Variants in SNW1 observed in about 807,000 individuals in gnomAD.
SNW1 encodes SNW domain containing 1, also known as SNW domain-containing protein 1.
Under a neutral mutation model 75.6 loss-of-function variants are expected in SNW1, and 9 were observed. The ratio of observed to expected loss-of-function variants is 0.12; its 90% CI spans 0.07 to 0.21. The LOEUF (loss-of-function observed/expected upper bound fraction) is 0.21, where lower values mean the gene tolerates loss of function less well. Among genes scored for constraint, SNW1 ranks in the 10% least tolerant of loss-of-function variants. The pLI is 1.00. For missense variants in SNW1, 409 were observed against 670.9 expected, an observed-to-expected ratio of 0.61 and a Z score of 4.31; for synonymous variants, 200 against 219.1, an observed-to-expected ratio of 0.91 and a Z score of 0.77.
chr14:77,733,198 A>C (rs2080640957), intron 8 of SNW1, among the ~76,000 whole-genome samples: 1 of 125,924 alleles, frequency 7.9e-6, no homozygotes. Flanking sequence ...TCATACAGTT[A>C]GTAAGTGGGC....
At chr14:77,723,703 G>A (rs2080562050) in intron 10 of SNW1, among the ~76,000 whole-genome samples, 1 of 152,086 alleles carries the variant, frequency 6.6e-6, no homozygotes, top group Non-Finnish European at 1.5e-5. Context: ...TGCCCAGGCT[G>A]GAATGCAGTG....
At chr14:77,743,373 T>C (rs1406146156) in intron 3 of SNW1, among the ~76,000 whole-genome samples, 3 of 152,190 alleles carry the variant, frequency 2.0e-5, no homozygotes, top group East Asian at 1.9e-4. Context: ...ATGTAGAGAA[T>C]TGCCTTAGAC....
chr14:77,746,883 A>T (rs2080764142), intron 3 of SNW1, among the ~76,000 whole-genome samples: 1 of 151,786 alleles, frequency 6.6e-6, no homozygotes, highest in Non-Finnish European at 1.5e-5. Flanking sequence ...AAAAATTTGG[A>T]ATTATAGCTC....
chr14:77,717,616 T>C lies in SNW1; in HGVS notation c.*472A>G. 1 of 1,532,088 alleles carries C rather than the reference T, an allele frequency of 6.5e-7. No individual in the cohort carries two copies. Among genetic ancestry groups the C allele is most frequent in the Non-Finnish European group, 9.0e-7 (1 of 1,110,242 alleles). 94.9% of individuals were successfully genotyped at this position (1,532,088 alleles called of 1,614,324 possible). ...ACTGAGAATTTTGTCTAAATGTTTTTATTTGAAACAAATAGTTGCACCAAG... is the reference window on the plus strand; with the variant it reads ...ACTGAGAATTTTGTCTAAATGTTTTCATTTGAAACAAATAGTTGCACCAAG... On this transcript the variant is annotated 3_prime_UTR_variant, in exon 14 of 14. Coordinates refer to ENST00000261531, the MANE Select transcript of SNW1 (RefSeq NM_012245.3).
chr14:77,760,834 C>A (rs2080883985), intron 1 of SNW1: 2 of 735,086 alleles, frequency 2.7e-6, no homozygotes, highest in Non-Finnish European at 4.8e-6. Flanking sequence ...CCGCTCCCCG[C>A]AAGATGCTCA....
At chr14:77,730,262 T>G (rs2080618159) in intron 10 of SNW1, among the ~76,000 whole-genome samples, 2 of 152,350 alleles carry the variant, frequency 1.3e-5, no homozygotes, top group South Asian at 4.1e-4. Flanking sequence ...AATTATTACC[T>G]TTTACTATAC....
chr14:77,734,942 A>C lies in SNW1; in HGVS notation c.774+5T>G. 6.3e-7 allele frequency: 1 copy of C among 1,599,122 alleles called. No homozygotes were observed. The highest frequency in any genetic ancestry group is 8.6e-7 in the Non-Finnish European group (1 of 1,166,680). On this transcript the variant is annotated splice_donor_5th_base_variant and intron_variant, in intron 8 of 13. Coordinates refer to ENST00000261531, the MANE Select transcript of SNW1 (RefSeq NM_012245.3). ...TAATAGAGACTGATTTGACAACTTA[A>C]TTACCTTTGCATTTTTCCAGTTAGA...
chr14:77,720,050 T>C (rs1048960280), intron 12 of SNW1, among the ~76,000 whole-genome samples: 2 of 152,222 alleles, frequency 1.3e-5, no homozygotes, highest in African/African-American at 4.8e-5. Flanking sequence ...TTTAATCCCG[T>C]TTTACAGCTT....
At chr14:77,734,769 G>A (rs1029896262) in intron 8 of SNW1, among the ~76,000 whole-genome samples, 178 bp downstream of exon 8, 4 of 151,438 alleles carry the variant, frequency 2.6e-5, no homozygotes, top group South Asian at 2.1e-4. Context: ...CGGTATTCAC[G>A]TGCCTGGCAT....
chr14:77,738,762 T>C lies in SNW1; in HGVS notation c.533+16A>G, dbSNP rs773444078. On this transcript the variant is annotated intron_variant, in intron 5 of 13. Transcript: ENST00000261531. ...AAGTTCAGAATGAAACTAAGTCTTC[T>C]AGGCATGATTCATACCGGATATACT... is the stretch of plus-strand genomic sequence containing the variant. 2.5e-6 allele frequency: 4 copies of C among 1,598,404 alleles called. No individual in the cohort carries two copies. The South Asian group carries it at 3.3e-5, about 13-fold the overall frequency.
At chr14:77,736,641 G>A (rs1566830746) in intron 6 of SNW1, among the ~76,000 whole-genome samples, 1 of 152,080 alleles carries the variant, frequency 6.6e-6, no homozygotes, top group African/African-American at 2.4e-5. Context: ...TAAAGCATAC[G>A]ATTTGATTAA....
At chr14:77,760,934 G>A in intron 1 of SNW1, 180 bp downstream of exon 1, 1 of 1,412,444 alleles carries the variant, frequency 7.1e-7, no homozygotes, top group Non-Finnish European at 9.9e-7. Flanking sequence ...ACCGCTGAAA[G>A]ACCCCAGCTT....
At chr14:77,756,678 G>A (rs952025751) in intron 1 of SNW1, among the ~76,000 whole-genome samples, 5 of 152,166 alleles carry the variant, frequency 3.3e-5, no homozygotes, top group Non-Finnish European at 7.3e-5. Flanking sequence ...GAGGTCAGGA[G>A]ATCAAGACCG....
chr14:77,723,100 G>C lies in SNW1; in HGVS notation c.1130+81C>G, dbSNP rs141509928. 4 of 1,050,826 alleles carry C rather than the reference G, an allele frequency of 3.8e-6. No individual in the cohort carries two copies. The African/African-American group carries it at 4.7e-5, about 12-fold the overall frequency. 65.1% of individuals were successfully genotyped at this position (1,050,826 alleles called of 1,614,324 possible). A position where few individuals can be genotyped will look rare whatever the true frequency, so the allele number is the denominator to read the frequency against. On this transcript the variant is annotated intron_variant, in intron 11 of 13. Coordinates refer to ENST00000261531, the MANE Select transcript of SNW1 (RefSeq NM_012245.3). ...CTGACCTCGTGATCCGCCCGCATTG[G>C]CCTCCCAAAGTGCTGGGATTACAGG...
intron 10 of SNW1, among the ~76,000 whole-genome samples, chr14:77,730,045 C>T (rs769663812): frequency 3.9e-5 from 6 of 152,156 alleles, no homozygotes; most frequent in Non-Finnish European, 8.8e-5. Context: ...CCTTGGGCCA[C>T]ACTAGGCATA....
At chr14:77,755,290 TGTG>T (rs2080835816) in intron 1 of SNW1, among the ~76,000 whole-genome samples, 170 bp from the exon 2 acceptor site, 1 of 152,194 alleles carries the variant, frequency 6.6e-6, no homozygotes, top group South Asian at 2.1e-4. Flanking sequence ...TTTTATAATA[TGTG>T]GAAGACAGAA....
intron 12 of SNW1, among the ~76,000 whole-genome samples, chr14:77,719,113 A>G (rs2080516313): frequency 6.6e-6 from 1 of 152,060 alleles, no homozygotes; most frequent in African/African-American, 2.4e-5. Flanking sequence ...CATATTGCCC[A>G]GGCCGGTCTT....
intron 3 of SNW1, among the ~76,000 whole-genome samples, chr14:77,747,457 C>T (rs1418646431): frequency 4.0e-5 from 6 of 150,220 alleles, no homozygotes; most frequent in Non-Finnish European, 8.9e-5. Flanking sequence ...GCCGCCATCC[C>T]GTCTAGGAAG....
At chr14:77,729,274 G>A (rs556466076) in intron 10 of SNW1, among the ~76,000 whole-genome samples, 15 of 152,214 alleles carry the variant, frequency 9.9e-5, no homozygotes, top group Non-Finnish European at 1.8e-4. Context: ...TTTATCCTGA[G>A]CAATTGGCAA....
Sources: allele counts gnomAD v4.1 joint callset (sites outside exome capture counted in the v4.1 genomes callset), GRCh38; gene constraint gnomAD v4.1.1; transcripts MANE v1.5; gene names NCBI Gene and HGNC (gene_info 2026-07-23, HGNC 2026-07-21).